The following ST6GALNAC3 variants were observed in gnomAD, a reference collection of about 807,000 sequenced individuals.
ST6GALNAC3 encodes alpha-N-acetylgalactosaminide alpha-2,6-sialyltransferase 3.
ST6GALNAC3 carries 25 observed loss-of-function variants against 32.7 expected under a neutral mutation model. The observed-to-expected ratio is 0.76, with a 90% confidence interval of 0.56 to 1.07. The LOEUF is 1.07. Among genes scored for constraint, ST6GALNAC3 ranks in the 50% least tolerant of loss-of-function variants. The pLI is 0.00. For synonymous variants in ST6GALNAC3, 129 were observed against 133.1 expected, an observed-to-expected ratio of 0.97 and a Z score of 0.21; for missense variants, 355 against 382.4, an observed-to-expected ratio of 0.93 and a Z score of 0.60.
chr1:76,310,059 T>G (rs572303369), intron 1 of ST6GALNAC3: 1 of 462,066 alleles, frequency 2.2e-6, no homozygotes, highest in Admixed American at 2.3e-5. Context: ...AGCCATGCAA[T>G]GCAATATAGC....
intron 3 of ST6GALNAC3, among the ~76,000 whole-genome samples, chr1:76,423,779 C>A (rs1271486877): frequency 6.6e-6 from 1 of 151,972 alleles, no homozygotes; most frequent in Non-Finnish European, 1.5e-5. Context: ...CTTCTCTACA[C>A]AGTTTTAATA....
chr1:76,236,420 T>C lies in ST6GALNAC3; in HGVS notation c.19-77385T>C, dbSNP rs530319327. 1.4e-4 allele frequency among the ~76,000 whole-genome samples: 21 copies of C among 152,322 alleles called. No individual in the cohort carries two copies. In the South Asian group the frequency reaches 2.9e-3, roughly 21 times the overall value. On this transcript the variant is annotated intron_variant, in intron 1 of 4. Coordinates refer to ENST00000328299, the MANE Select transcript of ST6GALNAC3 (RefSeq NM_152996.4). Reference sequence around the variant, plus strand: ...TGGATTAAATGAGTACAAAAATTGCTATGTGAGGGTTTGCTCTAATTATTA... The same window carrying C: ...TGGATTAAATGAGTACAAAAATTGCCATGTGAGGGTTTGCTCTAATTATTA...
rs1357420972 is a variant in ST6GALNAC3 at position 76,509,316 on chromosome 1, A to G, written c.623+96899A>G. Among the ~76,000 whole-genome samples, 1 of 152,226 alleles carries G rather than the reference A, an allele frequency of 6.6e-6. No individual in the cohort carries two copies. Among genetic ancestry groups the G allele is most frequent in the African/African-American group, 2.4e-5 (1 of 41,474 alleles). On this transcript the variant is annotated intron_variant, in intron 3 of 4. Coordinates refer to ENST00000328299, the MANE Select transcript of ST6GALNAC3 (RefSeq NM_152996.4). This position sits in a 1 kb window ranked among gnomAD's most constrained non-coding sequence, Gnocchi z 5.5. Reference sequence around the variant, plus strand: ...AAAGAATGGTTTAAAGAATATTGGCAGGAATCCAGTAAACTAGCTTGAGTC... The same window carrying G: ...AAAGAATGGTTTAAAGAATATTGGCGGGAATCCAGTAAACTAGCTTGAGTC...
chr1:76,127,590 A>G (rs1445981519), intron 1 of ST6GALNAC3, among the ~76,000 whole-genome samples: 1 of 152,198 alleles, frequency 6.6e-6, no homozygotes, highest in Non-Finnish European at 1.5e-5. Context: ...TGTGTTAAAT[A>G]TTTTACATGG....
chr1:76,624,237 AG>A (rs1215660196), intron 3 of ST6GALNAC3, among the ~76,000 whole-genome samples: 1 of 151,980 alleles, frequency 6.6e-6, no homozygotes. Context: ...AAAACAAATC[AG>A]GTTAGGTCCT....
At chr1:76,168,112 G>A (rs1028390363) in intron 1 of ST6GALNAC3, among the ~76,000 whole-genome samples, 5 of 152,074 alleles carry the variant, frequency 3.3e-5, no homozygotes, top group Non-Finnish European at 5.9e-5. Flanking sequence ...ATTTTTTGAT[G>A]TAGTCATTTA....
chr1:76,309,773 C>G (rs1646721017), intron 1 of ST6GALNAC3, among the ~76,000 whole-genome samples: 1 of 152,078 alleles, frequency 6.6e-6, no homozygotes, highest in Admixed American at 6.6e-5. Flanking sequence ...TGCAGAATAC[C>G]ACTCCCAGTG....
At chr1:76,374,560 C>T (rs937066552) in intron 2 of ST6GALNAC3, among the ~76,000 whole-genome samples, 17 of 152,262 alleles carry the variant, frequency 1.1e-4, no homozygotes, top group African/African-American at 3.6e-4. Context: ...ATGAACATAT[C>T]GTAGATTCTT....
intron 3 of ST6GALNAC3, among the ~76,000 whole-genome samples, chr1:76,532,762 T>C (rs1287904460): frequency 1.3e-5 from 2 of 152,166 alleles, no homozygotes; most frequent in African/African-American, 4.8e-5. Flanking sequence ...CATCTGACCA[T>C]GAGTTAATGG....
At chr1:76,620,711 T>A (rs148958431) in intron 3 of ST6GALNAC3, among the ~76,000 whole-genome samples, 1 of 151,930 alleles carries the variant, frequency 6.6e-6, no homozygotes, top group Non-Finnish European at 1.5e-5. Context: ...AAAGGCCCCA[T>A]CACCAAATAC....
At chr1:76,626,229 G>A (rs948493983) in intron 3 of ST6GALNAC3, among the ~76,000 whole-genome samples, 9 of 151,786 alleles carry the variant, frequency 5.9e-5, no homozygotes, top group Non-Finnish European at 1.0e-4. Context: ...TCCAGAGAGC[G>A]GTTATCAGTA....
chr1:76,279,363 G>T (rs1181643273), intron 1 of ST6GALNAC3, among the ~76,000 whole-genome samples: 5 of 152,208 alleles, frequency 3.3e-5, no homozygotes. Context: ...CCTGAGCCCC[G>T]TGTTCTTTGG....
At position 76,470,144 on chromosome 1, in the gene ST6GALNAC3, A is replaced by G. The variant is rs1436253891; in HGVS notation, c.623+57727A>G. ...CACTGATGACCTGTTAACAATAATG[A>G]TATAATTTTTTTTTAATTTTTCCTG... On this transcript the variant is annotated intron_variant, in intron 3 of 4. Transcript: ENST00000328299. Among the ~76,000 whole-genome samples, 10 of 152,166 alleles carry G rather than the reference A, an allele frequency of 6.6e-5. No homozygotes were observed. The South Asian group carries it at 8.3e-4, about 13-fold the overall frequency.
chr1:76,165,234 C>A (rs756801470), intron 1 of ST6GALNAC3, among the ~76,000 whole-genome samples: 15 of 152,084 alleles, frequency 9.9e-5, no homozygotes, highest in Admixed American at 9.2e-4. Flanking sequence ...GTGTTCTCAT[C>A]ATTTAGCTCC....
chr1:76,415,732 C>A (rs138697956), intron 3 of ST6GALNAC3, among the ~76,000 whole-genome samples: 1 of 151,942 alleles, frequency 6.6e-6, no homozygotes, highest in African/African-American at 2.4e-5. Flanking sequence ...CTGCAAAGAA[C>A]GTCAGTTTCT....
chr1:76,519,137 T>C (rs1448288634), intron 3 of ST6GALNAC3, among the ~76,000 whole-genome samples: 2 of 152,166 alleles, frequency 1.3e-5, no homozygotes, highest in Non-Finnish European at 2.9e-5. Flanking sequence ...CGTCTTTCCT[T>C]GTATCTCACA....
intron 3 of ST6GALNAC3, among the ~76,000 whole-genome samples, chr1:76,532,552 G>A (rs1239332973): frequency 6.6e-6 from 1 of 152,068 alleles, no homozygotes; most frequent in Non-Finnish European, 1.5e-5. Flanking sequence ...GGAGTGAAAA[G>A]GGACTGTGAA....
In ST6GALNAC3 at chr1:76,383,022, A is replaced by G. The variant is rs550421509; in HGVS notation, c.214-28986A>G. Among the ~76,000 whole-genome samples, 8 of 152,300 alleles carry G rather than the reference A, an allele frequency of 5.3e-5. No homozygotes were observed. In the South Asian group the frequency reaches 1.7e-3, roughly 32 times the overall value. ...AAAATCTTAAAGTCTGTCAGAAAAC[A>G]AAACAAAAAAAACCAATCTTCAAAG... is the stretch of plus-strand genomic sequence containing the variant. On this transcript the variant is annotated intron_variant, in intron 2 of 4. Coordinates refer to ENST00000328299, the MANE Select transcript of ST6GALNAC3 (RefSeq NM_152996.4).
intron 1 of ST6GALNAC3, among the ~76,000 whole-genome samples, chr1:76,155,581 C>T (rs1253622895): frequency 1.3e-5 from 2 of 151,916 alleles, no homozygotes; most frequent in Non-Finnish European, 2.9e-5. Flanking sequence ...CATTCTCCTG[C>T]CTCAGCCTCC....
Sources: allele counts gnomAD v4.1 joint callset (sites outside exome capture counted in the v4.1 genomes callset), GRCh38; gene constraint gnomAD v4.1.1; non-coding constraint Gnocchi (gnomAD v3.1); transcripts MANE v1.5; gene names NCBI Gene and HGNC (gene_info 2026-07-23, HGNC 2026-07-21).